Variants in TDP1 observed in about 807,000 individuals in gnomAD.
TDP1 encodes tyrosyl-DNA phosphodiesterase 1, also known as tyr-DNA phosphodiesterase 1.
A neutral mutation model predicts 81.5 loss-of-function variants in TDP1; 64 were observed. That is an observed-to-expected ratio of 0.79 (90% CI 0.64 to 0.97). TDP1 has a LOEUF of 0.97. TDP1 is among the 50% of genes least tolerant of loss of function. The probability of loss-of-function intolerance (pLI) is 0.00; values close to 1 mark genes in which losing one functional copy is unlikely to be tolerated. For missense variants in TDP1, 723 were observed against 743.8 expected, an observed-to-expected ratio of 0.97 and a Z score of 0.33; for synonymous variants, 256 against 264.3, an observed-to-expected ratio of 0.97 and a Z score of 0.30.
rs1475597067 is a variant in TDP1, at chr14:89,963,602, C to A, written c.488C>A (p.Pro163His). ...TGGGACATGCTGGATAAAGGGAACC[C>A]CTTCCAGTTTTACCTCACTAGAGTC... ...DIWDMLDKGN[P>H]FQFYLTRVSG... is the part of the protein sequence containing the mutation. The change falls in exon 3 of 17, where the codon CCC becomes CAC. Residue 163 changes from proline to histidine, a missense_variant. Coordinates refer to ENST00000335725, the MANE Select transcript of TDP1 (RefSeq NM_018319.4). 2.5e-6 allele frequency: 4 copies of A among 1,613,936 alleles called. No individual in the cohort carries two copies. The East Asian group carries it at 8.9e-5, about 36-fold the overall frequency.
At chr14:90,038,855 A>C (rs961740089) in intron 16 of TDP1, among the ~76,000 whole-genome samples, 5 of 151,660 alleles carry the variant, frequency 3.3e-5, no homozygotes, top group Admixed American at 2.0e-4. Context: ...AAAATTGTTG[A>C]TATGTTTTAT....
chr14:90,019,345 C>A lies in TDP1; in HGVS notation c.1571C>A (p.Ala524Glu). 1 of 1,611,886 alleles carries A rather than the reference C, an allele frequency of 6.2e-7. No homozygotes were observed. Among genetic ancestry groups the A allele is most frequent in the Non-Finnish European group, 8.5e-7 (1 of 1,178,112 alleles). ...SANLSKAAWG[A>E]LEKNGTQLMI... ...AATCTGTCCAAGGCTGCCTGGGGAGCATTGGAGAAGAATGGCACCCAGCTG... is the reference window on the plus strand; with the variant it reads ...AATCTGTCCAAGGCTGCCTGGGGAGAATTGGAGAAGAATGGCACCCAGCTG... Residue 524 changes from alanine to glutamate, a missense_variant, in exon 15 of 17, where the codon GCA (alanine) becomes GAA (glutamate). Ala to Glu is a moderately radical substitution (Grantham distance 107). Transcript: ENST00000335725.
At position 89,963,564 on chromosome 14, in the gene TDP1, G is replaced by A. The variant is rs1892589262; in HGVS notation, c.450G>A (p.Glu150=). ...AAGACGAGTATGAGACATCAGGGGA[G>A]GGCCAGGACATTTGGGACATGCTGG... is the stretch of plus-strand genomic sequence containing the variant. ...EEEDEYETSG[E]GQDIWDMLDK... is the part of the protein sequence containing the mutation. Residue 150 remains glutamate, a synonymous_variant, in exon 3 of 17, where the codon GAG becomes GAA. Coordinates refer to ENST00000335725, the MANE Select transcript of TDP1 (RefSeq NM_018319.4). The A allele has an allele frequency of 6.2e-7, 1 of 1,612,706 alleles. No individual in the cohort carries two copies. Among genetic ancestry groups the A allele is most frequent in the African/African-American group, 1.3e-5 (1 of 74,842 alleles).
chr14:90,018,750 CATG>C (rs1172244045), intron 14 of TDP1, among the ~76,000 whole-genome samples: 1 of 152,118 alleles, frequency 6.6e-6, no homozygotes, highest in Non-Finnish European at 1.5e-5. Context: ...TGGCTTGTAC[CATG>C]ATTTTTTTAG....
chr14:89,978,340 A>G (rs1323566154), intron 7 of TDP1, among the ~76,000 whole-genome samples: 2 of 152,254 alleles, frequency 1.3e-5, no homozygotes, highest in East Asian at 1.9e-4. Flanking sequence ...CAATTGTAGA[A>G]TGAGAATAAC....
intron 10 of TDP1, chr14:89,988,543 G>C: frequency 1.0e-6 from 1 of 957,020 alleles, no homozygotes; most frequent in Non-Finnish European, 1.2e-6. Flanking sequence ...TAGCATCAAA[G>C]CTGCATTAAA....
intron 14 of TDP1, among the ~76,000 whole-genome samples, chr14:89,997,948 C>T (rs1896782573): frequency 6.6e-6 from 1 of 152,060 alleles, no homozygotes; most frequent in Admixed American, 6.6e-5. Flanking sequence ...CTTTTATGTT[C>T]TGGTGCTGGG....
intron 3 of TDP1, chr14:89,964,942 A>C: frequency 2.5e-6 from 1 of 396,056 alleles, no homozygotes; most frequent in South Asian, 1.9e-5. Flanking sequence ...AGAGCTGGTA[A>C]TGACATTCTG....
chr14:89,967,001 T>G, intron 4 of TDP1: 1 of 985,236 alleles, frequency 1.0e-6, no homozygotes, highest in Non-Finnish European at 1.2e-6. Flanking sequence ...TATCTGTCTT[T>G]TTATAATCAC....
chr14:90,015,714 G>C (rs1885231689), intron 14 of TDP1, among the ~76,000 whole-genome samples: 1 of 152,140 alleles, frequency 6.6e-6, no homozygotes, highest in African/African-American at 2.4e-5. Context: ...CAGCTTTCTG[G>C]GGTCTCCTTT....
chr14:90,018,605 T>G (rs2140258075), intron 14 of TDP1, among the ~76,000 whole-genome samples: 1 of 152,252 alleles, frequency 6.6e-6, no homozygotes, highest in African/African-American at 2.4e-5. Context: ...GGACTGTAGG[T>G]TCGCGTCACC....
chr14:89,965,872 T>C (rs1892882043), intron 3 of TDP1: 1 of 985,026 alleles, frequency 1.0e-6, no homozygotes, highest in South Asian at 4.7e-5. Flanking sequence ...ATTGTCCATA[T>C]TGAGTTTCTA....
intron 12 of TDP1, 132 bp from the exon 13 acceptor site, chr14:89,991,784 AT>A: frequency 8.4e-7 from 1 of 1,197,310 alleles, no homozygotes; most frequent in South Asian, 1.6e-5. Context: ...TCAAATAACT[AT>A]TCTATAAGAT....
intron 16 of TDP1, among the ~76,000 whole-genome samples, chr14:90,041,204 A>T (rs1368376647): frequency 6.6e-6 from 1 of 152,220 alleles, no homozygotes; most frequent in Non-Finnish European, 1.5e-5. Flanking sequence ...CCAAGCACAG[A>T]TGGAGTTTCC....
chr14:89,971,262 T>G lies in TDP1; in HGVS notation c.747T>G (p.Ser249=). The G allele has an allele frequency of 6.2e-7, 1 of 1,613,620 alleles. No homozygotes were observed. Among genetic ancestry groups the G allele is most frequent in the Non-Finnish European group, 8.5e-7 (1 of 1,179,528 alleles). The change falls in exon 6 of 17, where the codon TCT becomes TCG. Residue 249 remains serine (S), a synonymous_variant. Coordinates refer to ENST00000335725, the MANE Select transcript of TDP1 (RefSeq NM_018319.4). The part of the protein sequence containing the change: ...HAQAKPYENI[S]LCQAKLDIAF... ...AGGCCAAGCCTTACGAGAACATCTC[T>G]CTCTGCCAGGTAAGCCACTTACTGC...
At chr14:90,032,883 A>C in intron 15 of TDP1, 1 of 982,856 alleles carries the variant, frequency 1.0e-6, no homozygotes, top group African/African-American at 1.7e-5. Flanking sequence ...ACTTTGCTAT[A>C]ACTTAATTCC....
chr14:89,992,187 A>G (rs1427453155), intron 13 of TDP1, among the ~76,000 whole-genome samples: 2 of 152,196 alleles, frequency 1.3e-5, no homozygotes, highest in Non-Finnish European at 2.9e-5. Context: ...AGGAAAATTT[A>G]TTGCTGTGAG....
At chr14:89,977,921 CT>C (rs1008851166) in intron 7 of TDP1, among the ~76,000 whole-genome samples, 4 of 152,230 alleles carry the variant, frequency 2.6e-5, no homozygotes, top group African/African-American at 9.6e-5. Context: ...TGGGAAAGCT[CT>C]TTGGTTTCCT....
intron 15 of TDP1, among the ~76,000 whole-genome samples, chr14:90,020,555 T>C (rs1160785158): frequency 6.8e-4 from 10 of 14,814 alleles, no homozygotes; most frequent in African/African-American, 2.6e-3. Context: ...CCTTCCTTCC[T>C]TCCCTCCCTC....
Sources: gnomAD v4.1 joint callset for allele counts (sites outside exome capture counted in the v4.1 genomes callset) on GRCh38, gnomAD v4.1.1 for gene constraint, MANE v1.5 for transcripts, NCBI Gene and HGNC (gene_info 2026-07-23, HGNC 2026-07-21) for gene names.